Variants in SGCZ observed in about 807,000 individuals in gnomAD.
SGCZ encodes the protein sarcoglycan zeta.
A neutral mutation model predicts 41.3 loss-of-function variants in SGCZ; 40 were observed. The observed-to-expected ratio is 0.97, with a 90% CI of 0.75 to 1.26. The LOEUF is 1.26. Among genes scored for constraint, SGCZ ranks in the 50% most tolerant of loss-of-function variants. The probability of loss-of-function intolerance (pLI) is 0.00; values close to 1 mark genes in which losing one functional copy is unlikely to be tolerated. For missense variants in SGCZ, 552 were observed against 369.8 expected (o/e 1.49, Z -4.04); for synonymous variants, 206 against 137.5 (o/e 1.50, Z -3.49).
chr8:14,538,242 T>G (rs971938658), intron 2 of SGCZ, among the ~76,000 whole-genome samples: 1 of 152,012 alleles, frequency 6.6e-6, no homozygotes, highest in Non-Finnish European at 1.5e-5. Context: ...ATGCTTTTGA[T>G]GTTTAGTGAA....
chr8:14,182,491 C>G (rs534947687), intron 4 of SGCZ, among the ~76,000 whole-genome samples: 3 of 152,104 alleles, frequency 2.0e-5, no homozygotes, highest in African/African-American at 7.2e-5. Flanking sequence ...TGTATGGAAG[C>G]CTTACTCATC....
chr8:14,988,242 G>T (rs1318298240), intron 1 of SGCZ, among the ~76,000 whole-genome samples: 1 of 146,310 alleles, frequency 6.8e-6, no homozygotes, highest in Non-Finnish European at 1.5e-5. Context: ...CAATATAAAG[G>T]TATACAAATA....
chr8:14,112,270 G>T (rs1169197792), intron 5 of SGCZ, among the ~76,000 whole-genome samples: 2 of 125,704 alleles, frequency 1.6e-5, no homozygotes, highest in Middle Eastern at 4.7e-3. Flanking sequence ...AATTTTTTGA[G>T]TTTTTTTTTT....
chr8:14,323,899 A>T (rs1387079502), intron 3 of SGCZ, among the ~76,000 whole-genome samples: 2 of 152,074 alleles, frequency 1.3e-5, no homozygotes, highest in African/African-American at 2.4e-5. Context: ...GGTTAGTTCA[A>T]AATGGTTCTC....
intron 7 of SGCZ, among the ~76,000 whole-genome samples, chr8:14,100,782 T>C (rs1471849439): frequency 6.6e-6 from 1 of 151,846 alleles, no homozygotes; most frequent in Non-Finnish European, 1.5e-5. Flanking sequence ...AAAGGAATAT[T>C]CCCCTTTTGC....
intron 2 of SGCZ, among the ~76,000 whole-genome samples, chr8:14,470,177 T>C (rs1801174474): frequency 6.6e-6 from 1 of 152,106 alleles, no homozygotes; most frequent in Non-Finnish European, 1.5e-5. Context: ...CTACTTTATA[T>C]GTGGGAAAAA....
At chr8:14,945,121 A>G (rs1800398146) in intron 1 of SGCZ, among the ~76,000 whole-genome samples, 1 of 118,628 alleles carries the variant, frequency 8.4e-6, no homozygotes, top group Non-Finnish European at 1.6e-5. Flanking sequence ...GAGAGACTTA[A>G]AAACAGGAGC....
chr8:14,418,219 T>G lies in SGCZ; in HGVS notation c.235-94015A>C, dbSNP rs115150783. Among the ~76,000 whole-genome samples, 1,453 of 152,020 alleles carry G rather than the reference T, an allele frequency of 9.6e-3. 29 individuals carry two copies. Among genetic ancestry groups the G allele is most frequent in the African/African-American group, 0.033 (1,359 of 41,530 alleles). On this transcript the variant is annotated intron_variant, in intron 2 of 7. Coordinates refer to ENST00000382080, the MANE Select transcript of SGCZ (RefSeq NM_139167.4). ...ATACCACTGAGGCATTTGTTGTCAC[T>G]TTAAAGTATTCTATCATGACTTGGG... is the stretch of plus-strand genomic sequence containing the variant.
chr8:14,684,904 A>C (rs767750717), intron 1 of SGCZ, among the ~76,000 whole-genome samples: 13 of 152,274 alleles, frequency 8.5e-5, no homozygotes, highest in Non-Finnish European at 1.5e-4. Context: ...GCAGGTCGTA[A>C]TTCCTGGTCC....
At chr8:14,589,663 T>G (rs990822698) in intron 1 of SGCZ, among the ~76,000 whole-genome samples, 2 of 152,164 alleles carry the variant, frequency 1.3e-5, no homozygotes, top group African/African-American at 4.8e-5. Context: ...ATAGTTGCAT[T>G]TAATTTGGAG....
At chr8:14,737,718 C>G (rs1457653330) in intron 1 of SGCZ, among the ~76,000 whole-genome samples, 1 of 152,004 alleles carries the variant, frequency 6.6e-6, no homozygotes, top group Admixed American at 6.6e-5. Flanking sequence ...GTCTTATTTT[C>G]TCTTATGAGG....
chr8:14,095,721 CT>C (rs1219684288), intron 7 of SGCZ, among the ~76,000 whole-genome samples: 2 of 152,050 alleles, frequency 1.3e-5, no homozygotes, highest in African/African-American at 4.8e-5. Flanking sequence ...GATAATGTTT[CT>C]TCTTATCCAT....
At chr8:14,831,829 T>C (rs1225082209) in intron 1 of SGCZ, among the ~76,000 whole-genome samples, 1 of 152,168 alleles carries the variant, frequency 6.6e-6, no homozygotes, top group Non-Finnish European at 1.5e-5. Context: ...CATACATGTA[T>C]ATATGTGTGC....
intron 1 of SGCZ, among the ~76,000 whole-genome samples, chr8:14,870,203 C>A (rs377767272): frequency 6.6e-6 from 1 of 152,064 alleles, no homozygotes; most frequent in African/African-American, 2.4e-5. Context: ...CAAAACAGTA[C>A]GGTACTAGTA....
chr8:14,574,293 C>T (rs62498435), intron 1 of SGCZ, among the ~76,000 whole-genome samples: 25,725 of 152,034 alleles, frequency 0.17, 2,671 homozygotes, highest in Non-Finnish European at 0.23. Flanking sequence ...AATCTGCCAC[C>T]CTTATTCTCC....
At chr8:14,684,798 C>T (rs1808558651) in intron 1 of SGCZ, among the ~76,000 whole-genome samples, 1 of 151,794 alleles carries the variant, frequency 6.6e-6, no homozygotes. Flanking sequence ...ATCTACAATG[C>T]TTCATAACCC....
chr8:14,617,717 T>G (rs117086788), intron 1 of SGCZ, among the ~76,000 whole-genome samples: 5 of 152,010 alleles, frequency 3.3e-5, no homozygotes, highest in African/African-American at 1.2e-4. Context: ...TAGACTGAAA[T>G]GCAAAGAGAT....
chr8:14,884,128 T>G (rs567342315), intron 1 of SGCZ, among the ~76,000 whole-genome samples: 10 of 152,142 alleles, frequency 6.6e-5, no homozygotes, highest in South Asian at 2.1e-4. Flanking sequence ...TGGAAAGAGA[T>G]AATTTGAAGC....
At chr8:14,991,461 C>A (rs1802012127) in intron 1 of SGCZ, among the ~76,000 whole-genome samples, 1 of 152,254 alleles carries the variant, frequency 6.6e-6, no homozygotes, top group Admixed American at 6.5e-5. Context: ...ACTGCATATA[C>A]CTAAATTCTA....
Sources: gnomAD v4.1 joint callset for allele counts (sites outside exome capture counted in the v4.1 genomes callset) on GRCh38, gnomAD v4.1.1 for gene constraint, MANE v1.5 for transcripts, NCBI Gene and HGNC (gene_info 2026-07-23, HGNC 2026-07-21) for gene names.